Variants in CD82 observed in about 807,000 individuals in gnomAD.
The protein encoded by CD82 is CD82 antigen.
A neutral mutation model predicts 37.4 loss-of-function variants in CD82; 36 were observed. That is an observed-to-expected ratio of 0.96 (90% CI 0.74 to 1.27). The LOEUF (loss-of-function observed/expected upper bound fraction) is 1.27. CD82 is among the 50% of genes most tolerant of loss of function. The probability of loss-of-function intolerance (pLI) is 0.00; values close to 1 mark genes in which losing one functional copy is unlikely to be tolerated. For synonymous variants in CD82, 158 were observed against 137.4 expected, an observed-to-expected ratio of 1.15 and a Z score of -1.05; for missense variants, 340 against 347.0, an observed-to-expected ratio of 0.98 and a Z score of 0.16.
chr11:44,605,118 CTA>C lies in CD82; in HGVS notation c.199_200del (p.Met67AlafsTer56). On this transcript the variant is annotated frameshift_variant, in exon 5 of 10. Coordinates refer to ENST00000227155, the MANE Select transcript of CD82 (RefSeq NM_002231.4). LOFTEE classifies it high-confidence loss of function. Reference sequence around the variant, plus strand: ...GTCTTCATCGGCGTGGGGGCAGTCACTATGCTCATGGGCTTCCTGGGCTGCAT... The same window carrying C: ...GTCTTCATCGGCGTGGGGGCAGTCACTGCTCATGGGCTTCCTGGGCTGCAT... 6.2e-7 allele frequency: 1 copy of C among 1,614,232 alleles called. No individual in the cohort carries two copies. The highest frequency in any genetic ancestry group is 8.5e-7 in the Non-Finnish European group (1 of 1,180,048).
At chr11:44,615,445 A>T (rs552917028) in intron 7 of CD82, 72 bp downstream of exon 7, 1 of 922,114 alleles carries the variant, frequency 1.1e-6, no homozygotes, top group Non-Finnish European at 1.8e-6. Flanking sequence ...GTGCACCCAC[A>T]TGTCTGGGAC....
chr11:44,612,984 G>A (rs1853507884), intron 6 of CD82, among the ~76,000 whole-genome samples: 1 of 152,016 alleles, frequency 6.6e-6, no homozygotes, highest in Non-Finnish European at 1.5e-5. Flanking sequence ...CAGGGCTGCA[G>A]GTCCATCTGC....
At chr11:44,589,420 G>T (rs1355483701) in intron 2 of CD82, among the ~76,000 whole-genome samples, 1 of 152,220 alleles carries the variant, frequency 6.6e-6, no homozygotes, top group Non-Finnish European at 1.5e-5. Context: ...ACTCTCCAAT[G>T]TTTACCAAAA....
chr11:44,585,982 G>T (rs188431175), intron 1 of CD82, among the ~76,000 whole-genome samples: 1 of 152,090 alleles, frequency 6.6e-6, no homozygotes, highest in African/African-American at 2.4e-5. Flanking sequence ...ACACTTTTTC[G>T]GATGCCAGAG....
intron 2 of CD82, among the ~76,000 whole-genome samples, chr11:44,594,388 ACCAGCC>A (rs3837391): frequency 4.8e-4 from 72 of 150,694 alleles, no homozygotes; most frequent in Non-Finnish European, 9.5e-4. Flanking sequence ...TTTTGCTCCC[ACCAGCC>A]CCAGCCCCAG....
chr11:44,602,749 T>G lies in CD82; in HGVS notation c.137-2309T>G, dbSNP rs556951299. On this transcript the variant is annotated intron_variant, in intron 4 of 9. Coordinates refer to ENST00000227155, the MANE Select transcript of CD82 (RefSeq NM_002231.4). ...CCCTCACCTACTTCCTAAGTCAGCT[T>G]GCTCAGATATGGGGTAGGCCTGGGA... is the stretch of plus-strand genomic sequence containing the variant. 2.0e-5 allele frequency among the ~76,000 whole-genome samples: 3 copies of G among 152,278 alleles called. 1 individual carries two copies. In the South Asian group the frequency reaches 6.2e-4, roughly 32 times the overall value.
In CD82 at chr11:44,592,195, A is replaced by G. The variant is rs142124434; in HGVS notation, c.-20-2448A>G. ...GCTGAGCAGAGGATGTGTGAGCTGG[A>G]AAGTGTAGAAACCCCTTTCCCGGAC... On this transcript the variant is annotated intron_variant, in intron 2 of 9. Transcript: ENST00000227155. 6.0e-4 allele frequency among the ~76,000 whole-genome samples: 91 copies of G among 152,208 alleles called. 1 individual carries two copies. The East Asian group carries it at 0.016, about 27-fold the overall frequency.
chr11:44,604,915 T>C, intron 4 of CD82, 143 bp from the exon 5 acceptor site: 1 of 1,160,470 alleles, frequency 8.6e-7, no homozygotes. Context: ...GGTTCCCTGT[T>C]GGGCAGTGAG....
intron 1 of CD82, 106 bp from the exon 2 acceptor site, chr11:44,587,369 C>A (rs1337248437): frequency 2.2e-6 from 1 of 447,590 alleles, no homozygotes; most frequent in Non-Finnish European, 4.5e-6. Context: ...TGGCGGGGCC[C>A]CGCCGGCCAC....
intron 1 of CD82, among the ~76,000 whole-genome samples, chr11:44,571,546 T>A (rs182731484): frequency 1.3e-5 from 2 of 152,316 alleles, no homozygotes; most frequent in Non-Finnish European, 2.9e-5. Flanking sequence ...GCTATATATG[T>A]TCCTGCTGCT....
At chr11:44,596,084 G>A (rs923815362) in intron 3 of CD82, among the ~76,000 whole-genome samples, 4 of 152,174 alleles carry the variant, frequency 2.6e-5, no homozygotes, top group African/African-American at 9.7e-5. Context: ...CCTGGCCCCG[G>A]CCCTAGCTCC....
intron 1 of CD82, among the ~76,000 whole-genome samples, chr11:44,566,510 G>A (rs1590321217): frequency 1.3e-5 from 2 of 152,176 alleles, no homozygotes; most frequent in African/African-American, 4.8e-5. Context: ...TGGAGGTGGT[G>A]GGTGCTCTGT....
intron 3 of CD82, chr11:44,596,809 G>A (rs528326614): frequency 7.0e-6 from 3 of 431,468 alleles, no homozygotes; most frequent in African/African-American, 4.0e-5. Flanking sequence ...TGTTCAGGGC[G>A]GAAGAGCCCT....
At chr11:44,611,455 A>G (rs1015583580) in intron 6 of CD82, among the ~76,000 whole-genome samples, 3 of 152,252 alleles carry the variant, frequency 2.0e-5, no homozygotes, top group Non-Finnish European at 4.4e-5. Context: ...CCCATCTCTG[A>G]ACCACTCGCC....
At chr11:44,609,711 C>A (rs1853453156) in intron 6 of CD82, among the ~76,000 whole-genome samples, 1 of 152,176 alleles carries the variant, frequency 6.6e-6, no homozygotes, top group African/African-American at 2.4e-5. Context: ...TTAGAACTTC[C>A]TGATTCTCTG....
chr11:44,602,464 A>C (rs915724119), intron 4 of CD82, among the ~76,000 whole-genome samples: 1 of 152,202 alleles, frequency 6.6e-6, no homozygotes. Context: ...TTGTTAGCTA[A>C]ATTTTATAAT....
Position 44,619,209 on chromosome 11 carries a change from C to A in CD82, c.*83C>A. 9.1e-7 allele frequency: 1 copy of A among 1,094,872 alleles called. No homozygotes were observed. Among genetic ancestry groups the A allele is most frequent in the Non-Finnish European group, 1.4e-6 (1 of 708,772 alleles). 67.8% of individuals were successfully genotyped at this position (1,094,872 alleles called of 1,614,324 possible). ...TCCCTGGCTCCCTCCTCCAGGCCTG[C>A]CTCCCACTTCACTGCGAAGACCCTC... On this transcript the variant is annotated 3_prime_UTR_variant, in exon 10 of 10. Coordinates refer to ENST00000227155, the MANE Select transcript of CD82 (RefSeq NM_002231.4).
chr11:44,617,560 GAA>G (rs35015542), intron 7 of CD82, among the ~76,000 whole-genome samples: 16,162 of 88,770 alleles, frequency 0.18, 1,018 homozygotes, highest in Middle Eastern at 0.3. Flanking sequence ...CTCTGTCTCA[GAA>G]AAAAAAAAAA....
chr11:44,606,906 C>T (rs1303434787), intron 6 of CD82: 1 of 152,310 alleles, frequency 6.6e-6, no homozygotes, highest in Non-Finnish European at 1.5e-5. Context: ...CTCACTAGGC[C>T]CTCTCAAGGT....
Sources: gnomAD v4.1 joint callset for allele counts (sites outside exome capture counted in the v4.1 genomes callset) on GRCh38, gnomAD v4.1.1 for gene constraint, MANE v1.5 for transcripts, NCBI Gene and HGNC (gene_info 2026-07-23, HGNC 2026-07-21) for gene names.